CDC42EP5: variants seen among roughly 807,000 people sequenced by gnomAD.
The protein encoded by CDC42EP5 is CDC42 effector protein 5, also known as CDC42 effector protein (Rho GTPase binding) 5.
For synonymous variants in CDC42EP5, 118 were observed against 123.3 expected (o/e 0.96, Z 0.28); for missense variants, 269 against 238.0 (o/e 1.13, Z -0.86).
chr19:54,469,869 C>T (rs1834962561), intron 2 of CDC42EP5, among the ~76,000 whole-genome samples: 1 of 152,186 alleles, frequency 6.6e-6, no homozygotes, highest in Non-Finnish European at 1.5e-5. Flanking sequence ...TCTGGTCAGA[C>T]CCAGCTCCCA....
At chr19:54,470,521 A>AGAAG (rs10647449) in intron 2 of CDC42EP5, among the ~76,000 whole-genome samples, 45,738 of 148,672 alleles carry the variant, frequency 0.31, 8,311 homozygotes, top group African/African-American at 0.51. Context: ...AAGAAAGGAA[A>AGAAG]GAAGGAAGGA....
chr19:54,466,949 T>TTTTTA (rs2084763067), intron 2 of CDC42EP5, among the ~76,000 whole-genome samples: 3 of 145,388 alleles, frequency 2.1e-5, no homozygotes, highest in African/African-American at 2.5e-5. Flanking sequence ...TTTTTTTTTT[T>TTTTTA]GAGACGCTAA....
chr19:54,471,870 ACC>A lies in CDC42EP5; in HGVS notation c.-141-187_-141-186del, dbSNP rs1213650875. 3.7e-4 allele frequency among the ~76,000 whole-genome samples: 44 copies of A among 118,194 alleles called. 1 individual carries two copies. Among genetic ancestry groups the A allele is most frequent in the African/African-American group, 1.4e-3 (42 of 29,426 alleles). The allele number at this position is 118,194 out of a possible 152,430, so 77.5% of individuals were successfully genotyped here. A position where few individuals can be genotyped will look rare whatever the true frequency, so the allele number is the denominator to read the frequency against. On this transcript the variant is annotated intron_variant, in intron 1 of 2. Transcript: ENST00000301200. Reference sequence around the variant, plus strand: ...TTCTTCCTCAGACCCAGGGGTCAAGACCCCCCAGCCCCTCCTCCCTCAGACCC... The same window carrying A: ...TTCTTCCTCAGACCCAGGGGTCAAGACCCCAGCCCCTCCTCCCTCAGACCC...
At chr19:54,469,166 T>G (rs2084802321) in intron 2 of CDC42EP5, among the ~76,000 whole-genome samples, 1 of 150,978 alleles carries the variant, frequency 6.6e-6, no homozygotes, top group African/African-American at 2.4e-5. Context: ...GGCTAATTTT[T>G]GTATTTTATA....
rs1053091945 is a variant in CDC42EP5 at position 54,470,392 on chromosome 19, GGA to G, written c.-1+1151_-1+1152del. Among the ~76,000 whole-genome samples the G allele has an allele frequency of 4.2e-3, 617 of 145,246 alleles. 20 individuals are homozygous for G. Among genetic ancestry groups the G allele is most frequent in the Admixed American group, 0.039 (558 of 14,192 alleles). ...GTCTCAAGAAGAAAAGAAAAGAAAA[GGA>G]GAGAGAGAGAGAAAAAGAGAGAGAA... is the stretch of plus-strand genomic sequence containing the variant. On this transcript the variant is annotated intron_variant, in intron 2 of 2. Transcript: ENST00000301200.
chr19:54,468,920 C>CTTCTTTCTTTCTTTCTTTCTTTCT (rs144128477), intron 2 of CDC42EP5, among the ~76,000 whole-genome samples: 2 of 123,898 alleles, frequency 1.6e-5, no homozygotes, highest in South Asian at 2.8e-4. Flanking sequence ...TCCTTCCTTC[C>CTTCTTTCTTTCTTTCTTTCTTTCT]TTCTTTCTTT....
Position 54,465,161 on chromosome 19 carries a change from G to T in CDC42EP5, c.387C>A (p.Pro129=). Residue 129 remains proline (P), a synonymous_variant, in exon 3 of 3, where the codon CCC becomes CCA. Transcript: ENST00000301200. The part of the protein sequence containing the change: ...PDAEPRPGTQ[P]PQARCRPNAD... ...CGTTGGGGCGGCAGCGGGCCTGGGG[G>T]GGCTGCGTCCCGGGGCGGGGTTCCG... 7.1e-7 allele frequency: 1 copy of T among 1,410,708 alleles called. No homozygotes were observed. Among genetic ancestry groups the T allele is most frequent in the Non-Finnish European group, 9.2e-7 (1 of 1,090,094 alleles). The allele number at this position is 1,410,708 out of a possible 1,614,324, so 87.4% of individuals were successfully genotyped here.
chr19:54,468,931 C>CTTTCTTTCT (rs1556000146), intron 2 of CDC42EP5, among the ~76,000 whole-genome samples: 2 of 145,856 alleles, frequency 1.4e-5, no homozygotes, highest in African/African-American at 5.1e-5. Flanking sequence ...TTCTTTCTTT[C>CTTTCTTTCT]TTTTCTTCCC....
Position 54,465,162 on chromosome 19 carries a change from G to A in CDC42EP5, c.386C>T (p.Pro129Leu), listed in dbSNP as rs139300908. ...PDAEPRPGTQ[P>L]PQARCRPNAD... is the part of the protein sequence containing the mutation. ...GTTGGGGCGGCAGCGGGCCTGGGGG[G>A]GCTGCGTCCCGGGGCGGGGTTCCGC... Residue 129 changes from proline (P) to leucine (L), a missense_variant, in exon 3 of 3, where the codon CCC becomes CTC. Transcript: ENST00000301200. The A allele has an allele frequency of 9.9e-4, 1,405 of 1,412,152 alleles. 38 individuals are homozygous for A. In the East Asian group the frequency reaches 0.038, roughly 38 times the overall value. The allele number at this position is 1,412,152 out of a possible 1,614,324, so 87.5% of individuals were successfully genotyped here.
Position 54,465,213 on chromosome 19 carries a change from G to A in CDC42EP5, c.335C>T (p.Pro112Leu), listed in dbSNP as rs900555632. The A allele has an allele frequency of 1.4e-6, 2 of 1,440,374 alleles. No homozygotes were observed. Among genetic ancestry groups the A allele is most frequent in the Non-Finnish European group, 1.8e-6 (2 of 1,100,854 alleles). The allele number at this position is 1,440,374 out of a possible 1,614,324, so 89.2% of individuals were successfully genotyped here. Residue 112 changes from proline to leucine, a missense_variant, in exon 3 of 3, where the codon CCG becomes CTG. By Grantham distance (98) the Pro-to-Leu change is moderately conservative (BLOSUM62 -3). Transcript: ENST00000301200. ...GTCGGGCTTGGCGGCAGCCGCCTCC[G>A]GGCGCGCCGCGTCCATGACGCCCAG... Reference protein sequence around the residue: ...AVLGVMDAARPEAAAAKPDAE... With the variant: ...AVLGVMDAARLEAAAAKPDAE...
At chr19:54,465,596 G>A (rs1280085608) in intron 2 of CDC42EP5, 49 bp from the exon 3 acceptor site, 9 of 1,401,466 alleles carry the variant, frequency 6.4e-6, no homozygotes, top group Non-Finnish European at 8.3e-6. Flanking sequence ...GGGGCTCGCA[G>A]CCACGCGACT....
intron 2 of CDC42EP5, among the ~76,000 whole-genome samples, chr19:54,467,568 C>CTTTTTT (rs550861744): frequency 7.3e-6 from 1 of 137,922 alleles, no homozygotes; most frequent in Non-Finnish European, 1.5e-5. Flanking sequence ...GCACCAAATT[C>CTTTTTT]TTTTTTTTTT....
intron 2 of CDC42EP5, among the ~76,000 whole-genome samples, chr19:54,471,306 C>T (rs2084832763): frequency 6.6e-6 from 1 of 152,240 alleles, no homozygotes; most frequent in South Asian, 2.1e-4. Flanking sequence ...CCTCTGTCCT[C>T]TCTCAGTCCC....
Position 54,465,146 on chromosome 19 carries a change from G to T in CDC42EP5, c.402C>A (p.Cys134Ter), listed in dbSNP as rs1388341296. ...TCAGCTCGAGGTCCGCGTTGGGGCG[G>T]CAGCGGGCCTGGGGGGGCTGCGTCC... ...RPGTQPPQAR[C>*]RPNADLELND... The change falls in exon 3 of 3, where the codon TGC becomes TGA. Residue 134 changes from cysteine (C) to a stop codon, truncating the protein, a stop_gained. Coordinates refer to ENST00000301200, the MANE Select transcript of CDC42EP5 (RefSeq NM_145057.4). LOFTEE classifies it high-confidence loss of function. 1.4e-6 allele frequency: 2 copies of T among 1,398,342 alleles called. No individual in the cohort carries two copies. The highest frequency in any genetic ancestry group is 1.8e-6 in the Non-Finnish European group (2 of 1,083,910). The allele number at this position is 1,398,342 out of a possible 1,614,324, so 86.6% of individuals were successfully genotyped here.
At position 54,473,171 on chromosome 19, in the gene CDC42EP5, C is replaced by G; in HGVS notation, c.-249G>C. 6.5e-6 allele frequency: 1 copy of G among 152,734 alleles called. No homozygotes were observed. Among genetic ancestry groups the G allele is most frequent in the Non-Finnish European group, 1.5e-5 (1 of 68,416 alleles). The allele number at this position is 152,734 out of a possible 1,614,324, so 9.5% of individuals were successfully genotyped here. On this transcript the variant is annotated 5_prime_UTR_variant, in exon 1 of 3. Transcript: ENST00000301200. Reference sequence around the variant, plus strand: ...AGGCAGAGAGGGTTTTGGCACAGGCCCCTCCCAGGCTTTCTTATCCCCCAA... The same window carrying G: ...AGGCAGAGAGGGTTTTGGCACAGGCGCCTCCCAGGCTTTCTTATCCCCCAA...
chr19:54,468,376 C>T (rs2084783914), intron 2 of CDC42EP5, among the ~76,000 whole-genome samples: 1 of 149,052 alleles, frequency 6.7e-6, no homozygotes, highest in East Asian at 1.9e-4. Context: ...CACACACACA[C>T]ACTCTTTACA....
rs558003889 is a variant in CDC42EP5 at position 54,466,038 on chromosome 19, C to T, written c.1-491G>A. Among the ~76,000 whole-genome samples the T allele has an allele frequency of 3.3e-5, 5 of 152,358 alleles. No individual in the cohort carries two copies. The South Asian group carries it at 1.0e-3, about 32-fold the overall frequency. On this transcript the variant is annotated intron_variant, in intron 2 of 2. Coordinates refer to ENST00000301200, the MANE Select transcript of CDC42EP5 (RefSeq NM_145057.4). Reference sequence around the variant, plus strand: ...CCTGACTCCAGAATGCCTATGAACACCATGCTATGCCGATCCTCCTGAGAG... The same window carrying T: ...CCTGACTCCAGAATGCCTATGAACATCATGCTATGCCGATCCTCCTGAGAG...
rs983022410 is a variant in CDC42EP5 at position 54,471,535 on chromosome 19, C to G, written c.-1+10G>C. The stretch of plus-strand genomic sequence containing the variant: ...CGGGACCCAGGACCCCTGTCCCCAC[C>G]GCGCCTTACCTCGCGGTCCTCCCAG... On this transcript the variant is annotated intron_variant, in intron 2 of 2. Transcript: ENST00000301200. The G allele has an allele frequency of 6.6e-6, 1 of 151,968 alleles. No homozygotes were observed. The highest frequency in any genetic ancestry group is 2.4e-5 in the African/African-American group (1 of 41,382). 9.4% of individuals were successfully genotyped at this position (151,968 alleles called of 1,614,324 possible).
intron 2 of CDC42EP5, among the ~76,000 whole-genome samples, chr19:54,470,598 G>T (rs1275803580): frequency 6.6e-6 from 1 of 152,114 alleles, no homozygotes; most frequent in Non-Finnish European, 1.5e-5. Flanking sequence ...TACACTGAGG[G>T]TGCCGAAATT....
Sources: allele counts gnomAD v4.1 joint callset (sites outside exome capture counted in the v4.1 genomes callset), GRCh38; gene constraint gnomAD v4.1.1; transcripts MANE v1.5; gene names NCBI Gene and HGNC (gene_info 2026-07-23, HGNC 2026-07-21).